IGHMBP2: variants seen among roughly 807,000 people sequenced by gnomAD.
IGHMBP2 encodes immunoglobulin mu DNA binding protein 2.
In IGHMBP2, 81 loss-of-function variants were observed where a neutral mutation model predicts 96.0. The observed-to-expected ratio is 0.84, with a 90% CI of 0.71 to 1.01. The LOEUF (loss-of-function observed/expected upper bound fraction) is 1.01, where lower values mean the gene tolerates loss of function less well. Among genes scored for constraint, IGHMBP2 ranks in the 50% least tolerant of loss-of-function variants. The pLI is 0.00. For missense variants in IGHMBP2, 1,227 were observed against 1,306.3 expected, an observed-to-expected ratio of 0.94 and a Z score of 0.94; for synonymous variants, 557 against 548.9, an observed-to-expected ratio of 1.01 and a Z score of -0.21.
intron 7 of IGHMBP2, among the ~76,000 whole-genome samples, chr11:68,918,308 T>A (rs667989): frequency 0.25 from 37,279 of 151,038 alleles, 5,282 homozygotes; most frequent in South Asian, 0.45. Context: ...TTTTTTTTTT[T>A]AAATTTAGAT....
chr11:68,915,491 T>TC (rs1858625801), intron 6 of IGHMBP2, among the ~76,000 whole-genome samples: 1 of 150,270 alleles, frequency 6.7e-6, no homozygotes, highest in Non-Finnish European at 1.5e-5. Flanking sequence ...TTGTTTTTGT[T>TC]TTTTTTTTTG....
Position 68,933,360 on chromosome 11 carries a change from A to G in IGHMBP2, c.1297A>G (p.Arg433Gly). 2 of 1,613,206 alleles carry G rather than the reference A, an allele frequency of 1.2e-6. No individual in the cohort carries two copies. The highest frequency in any genetic ancestry group is 8.5e-7 in the Non-Finnish European group (1 of 1,179,910). Residue 433 changes from arginine to glycine, a missense_variant, in exon 9 of 15, where the codon AGG (arginine) becomes GGG (glycine). By Grantham distance (125) the Arg-to-Gly change is moderately radical. This residue lies in a region of IGHMBP2 where 703 missense variants were observed against 770.3 expected (regional missense o/e 0.91). Coordinates refer to ENST00000255078, the MANE Select transcript of IGHMBP2 (RefSeq NM_002180.3). ...MERLAEEYGA[R>G]VVRTLTVQYR... ...ACGCCTGGCTGAGGAGTACGGCGCGAGGGTGGTGCGGACACTGACGGTGCA... is the reference window on the plus strand; with the variant it reads ...ACGCCTGGCTGAGGAGTACGGCGCGGGGGTGGTGCGGACACTGACGGTGCA...
rs201760315 is a variant in IGHMBP2, at chr11:68,939,728, G to A, written c.2979G>A (p.Thr993=). The A allele has an allele frequency of 1.3e-3, 2,154 of 1,607,442 alleles. 51 individuals are homozygous for A. In the South Asian group the frequency reaches 0.022, roughly 17 times the overall value. The change falls in exon 15 of 15, where the codon ACG becomes ACA. Residue 993 remains threonine, a synonymous_variant. Coordinates refer to ENST00000255078, the MANE Select transcript of IGHMBP2 (RefSeq NM_002180.3). ...CCAGCCGGAGGAAGGAGAGGGGGAC[G>A]TGACCGGCCGCATCCTTGCACGCCC... The part of the protein sequence containing the change: ...QRTSRRKERG[T]
rs1859518044 is a variant in IGHMBP2 at position 68,936,158 on chromosome 11, G to T, written c.1757-79G>T. On this transcript the variant is annotated intron_variant, in intron 12 of 14. Transcript: ENST00000255078. The stretch of plus-strand genomic sequence containing the variant: ...GCAGGGGACTACACTTTTGGTGGTG[G>T]TTACTGATAAGGGCGTAGGAGCCTG... 35 of 1,539,196 alleles carry T rather than the reference G, an allele frequency of 2.3e-5. No homozygotes were observed. In the South Asian group the frequency reaches 3.7e-4, roughly 16 times the overall value.
At chr11:68,938,380 CA>C (rs1236131797) in intron 14 of IGHMBP2, 26 bp downstream of exon 14, 1 of 1,585,134 alleles carries the variant, frequency 6.3e-7, no homozygotes, top group East Asian at 2.3e-5. Flanking sequence ...CTCCTGCGAT[CA>C]AACAGTGGGG....
At chr11:68,918,358 T>C (rs1309511939) in intron 7 of IGHMBP2, among the ~76,000 whole-genome samples, 1 of 151,856 alleles carries the variant, frequency 6.6e-6, no homozygotes, top group Non-Finnish European at 1.5e-5. Context: ...AGACAGGGTC[T>C]CTGCCAGGCG....
rs1205090793 is a variant in IGHMBP2 at position 68,904,094 on chromosome 11, A to G, written c.86+56A>G. The G allele has an allele frequency of 4.5e-5, 62 of 1,365,120 alleles. No individual in the cohort carries two copies. In the South Asian group the frequency reaches 6.8e-4, roughly 15 times the overall value. The allele number at this position is 1,365,120 out of a possible 1,614,324, so 84.6% of individuals were successfully genotyped here. On this transcript the variant is annotated intron_variant, in intron 1 of 14. Coordinates refer to ENST00000255078, the MANE Select transcript of IGHMBP2 (RefSeq NM_002180.3). ...CGGTCGGTCCCGCCGTGTCCCGGGC[A>G]GAGTCTCCGAGGGGCTCGGCCTCAT...
At chr11:68,939,468 G>A in intron 14 of IGHMBP2, 66 bp from the exon 15 acceptor site, 1 of 1,560,436 alleles carries the variant, frequency 6.4e-7, no homozygotes, top group South Asian at 1.1e-5. Context: ...CTCTTTGATA[G>A]GCAGAGCTGC....
intron 6 of IGHMBP2, 143 bp downstream of exon 6, chr11:68,915,166 CTTTTTTTTTTTTTTTTTT>C (rs71043470): frequency 6.3e-5 from 13 of 206,328 alleles, no homozygotes; most frequent in Admixed American, 2.8e-4. Context: ...TTGGGCTGCC[CTTTTTTTTTTTTTTTTTT>C]TTTTTTTTTT....
chr11:68,911,144 G>A (rs936954937), intron 4 of IGHMBP2, among the ~76,000 whole-genome samples: 4 of 152,180 alleles, frequency 2.6e-5, no homozygotes, highest in African/African-American at 7.2e-5. Flanking sequence ...CATACGTACC[G>A]TCTACAGCTG....
In IGHMBP2 at chr11:68,914,871, C is replaced by T. The variant is rs1033094612; in HGVS notation, c.760C>T (p.Arg254Cys). The T allele has an allele frequency of 5.0e-6, 8 of 1,614,132 alleles. No individual in the cohort carries two copies. Among genetic ancestry groups the T allele is most frequent in the East Asian group, 2.2e-5 (1 of 44,894 alleles). The change falls in exon 6 of 15, where the codon CGC becomes TGC. Residue 254 changes from arginine to cysteine, a missense_variant. Transcript: ENST00000255078. Reference sequence around the variant, plus strand: ...CATCGCCGTGGACAATCTGGTGGAGCGCCTGGCTCTGTGTAAGCAGCGGAT... The same window carrying T: ...CATCGCCGTGGACAATCTGGTGGAGTGCCTGGCTCTGTGTAAGCAGCGGAT... ...SNIAVDNLVE[R>C]LALCKQRILR... is the part of the protein sequence containing the mutation.
intron 7 of IGHMBP2, among the ~76,000 whole-genome samples, chr11:68,928,508 C>T (rs1014493563): frequency 6.6e-6 from 1 of 152,238 alleles, no homozygotes; most frequent in African/African-American, 2.4e-5. Context: ...ACATTGATCA[C>T]ATTTATGGAA....
At chr11:68,906,765 C>T (rs1296325336) in intron 2 of IGHMBP2, among the ~76,000 whole-genome samples, 1 of 151,276 alleles carries the variant, frequency 6.6e-6, no homozygotes, top group African/African-American at 2.4e-5. Flanking sequence ...GCCTCAGCCT[C>T]CCGAGTAGCT....
rs535217001 is a variant in IGHMBP2, at chr11:68,910,750, G to C, written c.548-690G>C. ...CACAAAAAATTAGCTGGGCATGGTG[G>C]CACTCACCTGTAGTCCCAGCTACTC... On this transcript the variant is annotated intron_variant, in intron 4 of 14. Coordinates refer to ENST00000255078, the MANE Select transcript of IGHMBP2 (RefSeq NM_002180.3). Among the ~76,000 whole-genome samples, 5 of 152,200 alleles carry C rather than the reference G, an allele frequency of 3.3e-5. No homozygotes were observed. The South Asian group carries it at 1.0e-3, about 32-fold the overall frequency.
Position 68,908,537 on chromosome 11 carries a change from C to T in IGHMBP2, c.453C>T (p.Ala151=), listed in dbSNP as rs752694569. Residue 151 remains alanine (A), a synonymous_variant, in exon 4 of 15, where the codon GCC becomes GCT. Coordinates refer to ENST00000255078, the MANE Select transcript of IGHMBP2 (RefSeq NM_002180.3). ...TTTTAGTTTTCTCCCTTGGCAGAGCCCTGATTGCTCTAAAGAAGTATCATT... is the reference window on the plus strand; with the variant it reads ...TTTTAGTTTTCTCCCTTGGCAGAGCTCTGATTGCTCTAAAGAAGTATCATT... The part of the protein sequence containing the change: ...NDVTYRRLKK[A]LIALKKYHSG... The T allele has an allele frequency of 6.8e-6, 11 of 1,612,502 alleles. No individual in the cohort carries two copies. The East Asian group carries it at 1.6e-4, about 23-fold the overall frequency.
At chr11:68,930,033 C>CAG in intron 8 of IGHMBP2, 4 of 1,121,400 alleles carry the variant, frequency 3.6e-6, no homozygotes, top group Non-Finnish European at 4.4e-6. Flanking sequence ...CCACACAGGC[C>CAG]TCGCTGGCCC....
intron 13 of IGHMBP2, 94 bp from the exon 14 acceptor site, chr11:68,938,088 G>A: frequency 7.2e-7 from 1 of 1,385,996 alleles, no homozygotes; most frequent in Middle Eastern, 2.0e-4. Flanking sequence ...ACAGGTGTGA[G>A]CCACCGTGCT....
Position 68,935,200 on chromosome 11 carries a change from G to T in IGHMBP2, c.1633-99G>T. Reference sequence around the variant, plus strand: ...TGCAGGCTCCGCTTCCCAGGTCCTGGCTGTTTCACAGCGTGAGGCCCTCTG... The same window carrying T: ...TGCAGGCTCCGCTTCCCAGGTCCTGTCTGTTTCACAGCGTGAGGCCCTCTG... On this transcript the variant is annotated intron_variant, in intron 11 of 14. Coordinates refer to ENST00000255078, the MANE Select transcript of IGHMBP2 (RefSeq NM_002180.3). The T allele has an allele frequency of 2.7e-6, 4 of 1,502,988 alleles. No homozygotes were observed. In the Admixed American group the frequency reaches 7.5e-5, roughly 28 times the overall value. 93.1% of individuals were successfully genotyped at this position (1,502,988 alleles called of 1,614,324 possible).
chr11:68,936,296 C>T lies in IGHMBP2; in HGVS notation c.1816C>T (p.Arg606Cys), dbSNP rs536556753. Residue 606 changes from arginine (R) to cysteine (C), a missense_variant, in exon 13 of 15, where the codon CGC (arginine) becomes TGC (cysteine). By Grantham distance (180) the Arg-to-Cys change is radical. Coordinates refer to ENST00000255078, the MANE Select transcript of IGHMBP2 (RefSeq NM_002180.3). ...RINVAVTRAR[R>C]HVAVICDSRT... The stretch of plus-strand genomic sequence containing the variant: ...CAACGTGGCTGTCACCCGTGCCCGA[C>T]GCCACGTGGCGGTCATCTGTGACTC... 1.8e-5 allele frequency: 29 copies of T among 1,614,158 alleles called. No homozygotes were observed. The highest frequency in any genetic ancestry group is 4.0e-5 in the African/African-American group (3 of 75,052).
Sources: gnomAD v4.1 joint callset for allele counts (sites outside exome capture counted in the v4.1 genomes callset) on GRCh38, gnomAD v4.1.1 for gene constraint, gnomAD v4.1.1 regional missense constraint, MANE v1.5 for transcripts, NCBI Gene and HGNC (gene_info 2026-07-23, HGNC 2026-07-21) for gene names.